ARHGAP10: variants seen among roughly 807,000 people sequenced by gnomAD.
ARHGAP10 encodes the protein Rho GTPase activating protein 10, also known as rho GTPase-activating protein 10.
A neutral mutation model predicts 108.6 loss-of-function variants in ARHGAP10; 87 were observed. That is an observed-to-expected ratio of 0.80 (90% CI 0.67 to 0.96). The LOEUF (loss-of-function observed/expected upper bound fraction) is 0.96. Ranked by LOEUF, ARHGAP10 falls within the 40% of genes least tolerant of loss-of-function variation. ARHGAP10 has a pLI of 0.00. For missense variants in ARHGAP10, 939 were observed against 954.5 expected, an observed-to-expected ratio of 0.98 and a Z score of 0.21; for synonymous variants, 347 against 341.1, an observed-to-expected ratio of 1.02 and a Z score of -0.19.
intron 18 of ARHGAP10, among the ~76,000 whole-genome samples, chr4:148,015,287 C>G (rs1471300831): frequency 6.6e-6 from 1 of 152,168 alleles, no homozygotes; most frequent in Non-Finnish European, 1.5e-5. Flanking sequence ...TCAAAGCCGG[C>G]AAGATAGGAA....
At chr4:147,827,475 C>A (rs139018807) in intron 3 of ARHGAP10, among the ~76,000 whole-genome samples, 19 of 152,208 alleles carry the variant, frequency 1.2e-4, no homozygotes, top group Admixed American at 2.0e-4. Context: ...AAGCTTGTGG[C>A]TGTTAGGAAA....
At chr4:147,834,821 C>T (rs1733100612) in intron 3 of ARHGAP10, among the ~76,000 whole-genome samples, 1 of 147,700 alleles carries the variant, frequency 6.8e-6, no homozygotes, top group African/African-American at 2.5e-5. Flanking sequence ...CTGGGTCAGA[C>T]CTGCATCACT....
Position 147,825,819 on chromosome 4 carries a change from C to A in ARHGAP10, c.312+2862C>A, listed in dbSNP as rs182090584. Among the ~76,000 whole-genome samples, 123 of 152,228 alleles carry A rather than the reference C, an allele frequency of 8.1e-4. No individual in the cohort carries two copies. The South Asian group carries it at 1.0e-2, about 12-fold the overall frequency. On this transcript the variant is annotated intron_variant, in intron 3 of 22. Transcript: ENST00000336498. ...TTTGATAGTTGTACTTCCCTGGCAT[C>A]CTGAACATTGAGCGCATACCTATTG...
chr4:147,972,182 G>A (rs1167946744), intron 18 of ARHGAP10, among the ~76,000 whole-genome samples: 1 of 152,020 alleles, frequency 6.6e-6, no homozygotes, highest in Non-Finnish European at 1.5e-5. Context: ...TATAACGTAA[G>A]GTATAGTTAA....
At chr4:148,027,410 G>A (rs1727919332) in intron 19 of ARHGAP10, among the ~76,000 whole-genome samples, 1 of 152,152 alleles carries the variant, frequency 6.6e-6, no homozygotes, top group Non-Finnish European at 1.5e-5. Flanking sequence ...TTTAACATTT[G>A]GATCACGAAT....
intron 4 of ARHGAP10, among the ~76,000 whole-genome samples, chr4:147,855,715 G>C (rs1734059580): frequency 7.0e-6 from 1 of 143,826 alleles, no homozygotes; most frequent in South Asian, 2.2e-4. Context: ...AAGTTGTGCA[G>C]CTAGTTGGTA....
At position 147,965,071 on chromosome 4, in the gene ARHGAP10, C is replaced by T. The variant is rs1338013549; in HGVS notation, c.1498C>T (p.His500Tyr). 2.5e-6 allele frequency: 4 copies of T among 1,606,788 alleles called. No individual in the cohort carries two copies. The highest frequency in any genetic ancestry group is 3.4e-6 in the Non-Finnish European group (4 of 1,176,372). The part of the protein sequence containing the change: ...SRVNAIHFLV[H>Y]KLPEKNKEML... ...TGTTAATGCGATCCATTTCTTGGTA[C>T]ACAAACTGCCAGAGAAGAATAAAGA... The change falls in exon 17 of 23, where the codon CAC (histidine) becomes TAC (tyrosine). Residue 500 changes from histidine to tyrosine, a missense_variant. Transcript: ENST00000336498.
chr4:147,887,300 C>T (rs887758014), intron 10 of ARHGAP10, among the ~76,000 whole-genome samples: 1 of 152,152 alleles, frequency 6.6e-6, no homozygotes, highest in Middle Eastern at 3.2e-3. Context: ...AGGCCAACTC[C>T]TCTGTTCAGG....
At chr4:147,799,227 A>G (rs948955710) in intron 1 of ARHGAP10, among the ~76,000 whole-genome samples, 1 of 151,752 alleles carries the variant, frequency 6.6e-6, no homozygotes, top group African/African-American at 2.4e-5. Flanking sequence ...TAGAGACGGG[A>G]TGGGGTTTTG....
chr4:147,928,514 G>C (rs775470592), intron 13 of ARHGAP10, among the ~76,000 whole-genome samples: 1 of 152,190 alleles, frequency 6.6e-6, no homozygotes, highest in Non-Finnish European at 1.5e-5. Flanking sequence ...GTAGGAGAAG[G>C]CGAACATGCC....
At chr4:147,883,919 T>C (rs964653287) in intron 10 of ARHGAP10, among the ~76,000 whole-genome samples, 3 of 152,242 alleles carry the variant, frequency 2.0e-5, no homozygotes, top group Middle Eastern at 6.8e-3. Flanking sequence ...GGTCTTGAAC[T>C]CCTGACCTCA....
intron 13 of ARHGAP10, among the ~76,000 whole-genome samples, chr4:147,915,986 G>T (rs918103887): frequency 1.3e-5 from 2 of 152,138 alleles, no homozygotes; most frequent in African/African-American, 4.8e-5. Flanking sequence ...GTGTTTGCTT[G>T]TAGTGACAGC....
chr4:147,732,473 C>T lies in ARHGAP10; in HGVS notation c.154+18C>T. On this transcript the variant is annotated intron_variant, in intron 1 of 22. Coordinates refer to ENST00000336498, the MANE Select transcript of ARHGAP10 (RefSeq NM_024605.4). ...GACGAAAAGTAAGCGGGGACGCGGG[C>T]GCGGACGGGCTGCGGCGTGGCGAGG... is the stretch of plus-strand genomic sequence containing the variant. The T allele has an allele frequency of 6.2e-7, 1 of 1,608,416 alleles. No homozygotes were observed. Among genetic ancestry groups the T allele is most frequent in the Non-Finnish European group, 8.5e-7 (1 of 1,177,176 alleles).
intron 14 of ARHGAP10, among the ~76,000 whole-genome samples, chr4:147,940,124 C>G (rs770817255): frequency 2.0e-5 from 3 of 152,184 alleles, no homozygotes; most frequent in African/African-American, 7.2e-5. Flanking sequence ...AAAGAATGCA[C>G]CCCCTGGTTG....
intron 18 of ARHGAP10, among the ~76,000 whole-genome samples, chr4:148,009,225 A>G (rs1198977125): frequency 6.6e-6 from 1 of 151,428 alleles, no homozygotes; most frequent in African/African-American, 2.4e-5. Context: ...CTGGCCTCCC[A>G]GGTTCAAGTG....
intron 19 of ARHGAP10, among the ~76,000 whole-genome samples, chr4:148,046,642 T>C (rs941357541): frequency 1.3e-5 from 2 of 152,186 alleles, no homozygotes; most frequent in African/African-American, 2.4e-5. Context: ...CCTTTTATCT[T>C]CCATTATCTG....
rs766867810 is a variant in ARHGAP10 at position 148,023,303 on chromosome 4, C to A, written c.1757C>A (p.Thr586Asn). 6.2e-7 allele frequency: 1 copy of A among 1,614,054 alleles called. No homozygotes were observed. Among genetic ancestry groups the A allele is most frequent in the Non-Finnish European group, 8.5e-7 (1 of 1,180,004 alleles). ...CCCGATACTACATTCCCTGAGCCCA[C>A]CTGCCTGTCAGCATCACCCCCAAAT... is the stretch of plus-strand genomic sequence containing the variant. ...TPPDTTFPEPTCLSASPPNAP... is the reference protein window; with the variant it reads ...TPPDTTFPEPNCLSASPPNAP... The change falls in exon 19 of 23, where the codon ACC (threonine) becomes AAC (asparagine). Residue 586 changes from threonine to asparagine, a missense_variant. By Grantham distance (65) the Thr-to-Asn change is moderately conservative (BLOSUM62 0). Coordinates refer to ENST00000336498, the MANE Select transcript of ARHGAP10 (RefSeq NM_024605.4).
At chr4:147,984,020 G>A (rs1023774661) in intron 18 of ARHGAP10, among the ~76,000 whole-genome samples, 1 of 152,088 alleles carries the variant, frequency 6.6e-6, no homozygotes, top group African/African-American at 2.4e-5. Context: ...TGTATATTGT[G>A]TGTGATTGTT....
intron 1 of ARHGAP10, among the ~76,000 whole-genome samples, chr4:147,810,526 C>T (rs1196488521): frequency 2.0e-5 from 3 of 152,184 alleles, no homozygotes; most frequent in Admixed American, 1.3e-4. Context: ...ACCATCTGAA[C>T]GTTTACATCT....
Sources: gnomAD v4.1 joint callset for allele counts (sites outside exome capture counted in the v4.1 genomes callset) on GRCh38, gnomAD v4.1.1 for gene constraint, MANE v1.5 for transcripts, NCBI Gene and HGNC (gene_info 2026-07-23, HGNC 2026-07-21) for gene names.